The following KMT2C variants were observed in gnomAD, a reference collection of about 807,000 sequenced individuals.
The protein encoded by KMT2C is lysine methyltransferase 2C.
A neutral mutation model predicts 507.9 loss-of-function variants in KMT2C; 88 were observed. The observed-to-expected ratio is 0.17, with a 90% CI of 0.15 to 0.21. The LOEUF (loss-of-function observed/expected upper bound fraction) is 0.21. Among genes scored for constraint, KMT2C ranks in the 10% least tolerant of loss-of-function variants. The pLI is 1.00. For synonymous variants in KMT2C, 2,049 were observed against 2,080.8 expected (o/e 0.98, Z 0.42); for missense variants, 4,954 against 5,957.8 (o/e 0.83, Z 5.55).
chr7:152,181,248 A>G lies in KMT2C; in HGVS notation c.6612T>C (p.Ala2204=), dbSNP rs972853066. ...VTNQRHSDPY[A]HPPGTPRPGI... ...CAGGTCTTGGTGTTCCAGGAGGATG[A>G]GCATATGGATCAGAATGCCTCTGAT... The change falls in exon 36 of 59, where the codon GCT becomes GCC. Residue 2204 remains alanine (A), a synonymous_variant. Transcript: ENST00000262189. The G allele has an allele frequency of 1.2e-6, 2 of 1,614,064 alleles. No homozygotes were observed. The highest frequency in any genetic ancestry group is 1.1e-5 in the South Asian group (1 of 91,066).
chr7:152,156,177 G>A (rs2092032959), intron 45 of KMT2C, 28 bp downstream of exon 45: 3 of 1,608,948 alleles, frequency 1.9e-6, no homozygotes, highest in East Asian at 2.2e-5. Context: ...TTTCTCCGAG[G>A]TGTGAAATTT....
intron 6 of KMT2C, among the ~76,000 whole-genome samples, chr7:152,283,687 A>ATT (rs1181400709): frequency 3.3e-5 from 5 of 152,142 alleles, no homozygotes; most frequent in African/African-American, 1.2e-4. Context: ...AATCCTTGAA[A>ATT]CATAACTTTG....
rs2129118078 is a variant in KMT2C at position 152,179,942 on chromosome 7, G to A, written c.7334C>T (p.Ser2445Phe). 6.2e-7 allele frequency: 1 copy of A among 1,614,146 alleles called. No individual in the cohort carries two copies. The highest frequency in any genetic ancestry group is 8.5e-7 in the Non-Finnish European group (1 of 1,179,998). ...PPPPYPGNIR[S>F]PVAPPLGPRY... The stretch of plus-strand genomic sequence containing the variant: ...AGGTCCTAAAGGAGGGGCAACAGGA[G>A]ACCTAATGTTCCCAGGATAGGGAGG... The change falls in exon 37 of 59, where the codon TCT becomes TTT. Residue 2445 changes from serine (S) to phenylalanine (F), a missense_variant. Around this residue, in one of 29 missense-constraint regions of KMT2C, gnomAD observed 1,689 missense variants for 1,654.3 expected, o/e 1.02. Coordinates refer to ENST00000262189, the MANE Select transcript of KMT2C (RefSeq NM_170606.3).
At chr7:152,150,079 G>A (rs1434531822) in intron 51 of KMT2C, among the ~76,000 whole-genome samples, 1 of 152,140 alleles carries the variant, frequency 6.6e-6, no homozygotes, top group Non-Finnish European at 1.5e-5. Context: ...GCAATAACCT[G>A]GATGGAGGAA....
chr7:152,157,888 C>A, intron 44 of KMT2C: 1 of 1,339,366 alleles, frequency 7.5e-7, no homozygotes, highest in Non-Finnish European at 9.9e-7. Context: ...AAAGTTCACT[C>A]CAATGATTGG....
At chr7:152,384,805 T>C (rs2097408613) in intron 1 of KMT2C, among the ~76,000 whole-genome samples, 1 of 152,274 alleles carries the variant, frequency 6.6e-6, no homozygotes, top group Non-Finnish European at 1.5e-5. Flanking sequence ...CAAGCAAACA[T>C]TTATTCTGCC....
In KMT2C at chr7:152,162,822, T is replaced by G; in HGVS notation, c.10755A>C (p.Ser3585=). ...AATACAACTGAATGAGCGATTGGGT[T>G]GATCCCGGATAACTGTGTCCATGGG... is the stretch of plus-strand genomic sequence containing the variant. ...TITHGHSYPG[S]TQSLIQLYSD... is the part of the protein sequence containing the mutation. Residue 3585 remains serine (S), a synonymous_variant, in exon 43 of 59, where the codon TCA becomes TCC. Coordinates refer to ENST00000262189, the MANE Select transcript of KMT2C (RefSeq NM_170606.3). 1 of 1,614,212 alleles carries G rather than the reference T, an allele frequency of 6.2e-7. No homozygotes were observed. Among genetic ancestry groups the G allele is most frequent in the South Asian group, 1.1e-5 (1 of 91,084 alleles).
intron 54 of KMT2C, 85 bp downstream of exon 54, chr7:152,145,068 G>GA: frequency 2.0e-6 from 3 of 1,516,694 alleles, no homozygotes; most frequent in Non-Finnish European, 2.7e-6. Context: ...AGCAGGGTTT[G>GA]TAAGCAGCAG....
rs575521037 is a variant in KMT2C, at chr7:152,312,880, A to AT, written c.591-935dup. Among the ~76,000 whole-genome samples, 31 of 152,320 alleles carry AT rather than the reference A, an allele frequency of 2.0e-4. No homozygotes were observed. The South Asian group carries it at 4.8e-3, about 23-fold the overall frequency. ...ATTAAATCACTATTGAATATAGATCATAACTCACTGCACTTCTGTATGCTG... is the reference window on the plus strand; with the variant it reads ...ATTAAATCACTATTGAATATAGATCATTAACTCACTGCACTTCTGTATGCTG... On this transcript the variant is annotated intron_variant, in intron 4 of 58. Coordinates refer to ENST00000262189, the MANE Select transcript of KMT2C (RefSeq NM_170606.3).
At chr7:152,399,997 T>A (rs912724108) in intron 1 of KMT2C, among the ~76,000 whole-genome samples, 1 of 151,646 alleles carries the variant, frequency 6.6e-6, no homozygotes, top group Non-Finnish European at 1.5e-5. Context: ...TAAAAGCAGC[T>A]ATAGAGAAAA....
intron 1 of KMT2C, among the ~76,000 whole-genome samples, chr7:152,388,103 A>T (rs941874775): frequency 1.3e-4 from 19 of 147,818 alleles, no homozygotes; most frequent in African/African-American, 3.7e-4. Flanking sequence ...CTTCAAAAAA[A>T]AAAAATAAAT....
Position 152,163,356 on chromosome 7 carries a change from C to A in KMT2C, c.10221G>T (p.Gln3407His). Residue 3407 changes from glutamine to histidine, a missense_variant, in exon 43 of 59, where the codon CAG becomes CAT. Coordinates refer to ENST00000262189, the MANE Select transcript of KMT2C (RefSeq NM_170606.3). ...ERERKERLRE[Q>H]QERQRIQLMQ... ...TGAGTTGGATCCGTTGTCTCTCTTG[C>A]TGTTCTCGTAAACGTTCCTTACGTT... The A allele has an allele frequency of 6.2e-7, 1 of 1,614,220 alleles. No individual in the cohort carries two copies. Among genetic ancestry groups the A allele is most frequent in the African/African-American group, 1.3e-5 (1 of 75,058 alleles).
intron 1 of KMT2C, among the ~76,000 whole-genome samples, chr7:152,380,010 A>T (rs1671657907): frequency 6.6e-6 from 1 of 152,400 alleles, no homozygotes; most frequent in African/African-American, 2.4e-5. Context: ...AGGCAGGCGG[A>T]TTGCCTGAGC....
chr7:152,416,328 GA>G (rs1282515844), intron 1 of KMT2C, among the ~76,000 whole-genome samples: 1 of 150,836 alleles, frequency 6.6e-6, no homozygotes, highest in East Asian at 2.0e-4. Context: ...GGCAGATCAC[GA>G]GGTTAGGAGA....
intron 2 of KMT2C, among the ~76,000 whole-genome samples, chr7:152,347,812 T>A (rs903559642): frequency 6.6e-5 from 10 of 152,208 alleles, no homozygotes; most frequent in Non-Finnish European, 2.9e-5. Flanking sequence ...CTTAATTTTT[T>A]AAATATTTCT....
intron 23 of KMT2C, among the ~76,000 whole-genome samples, chr7:152,208,727 T>C (rs1242433295): frequency 6.6e-6 from 1 of 152,236 alleles, no homozygotes; most frequent in Non-Finnish European, 1.5e-5. Context: ...ACTCCTTCAA[T>C]ATTCTCAGTA....
Position 152,224,627 on chromosome 7 carries a change from A to C in KMT2C, c.2977-11T>G. The C allele has an allele frequency of 2.2e-6, 3 of 1,363,120 alleles. No individual in the cohort carries two copies. The South Asian group carries it at 3.5e-5, about 16-fold the overall frequency. The allele number at this position is 1,363,120 out of a possible 1,614,324, so 84.4% of individuals were successfully genotyped here. A position where few individuals can be genotyped will look rare whatever the true frequency, so the allele number is the denominator to read the frequency against. The stretch of plus-strand genomic sequence containing the variant: ...AACCACTTTAGTGATCTGTAAAAGA[A>C]ACAACCAATCCATGTGATTTATGCA... On this transcript the variant is annotated splice_polypyrimidine_tract_variant and intron_variant, in intron 18 of 58. Coordinates refer to ENST00000262189, the MANE Select transcript of KMT2C (RefSeq NM_170606.3).
rs2093459128 is a variant in KMT2C at position 152,182,277 on chromosome 7, C to A, written c.5583G>T (p.Arg1861=). Residue 1861 remains arginine (R), a synonymous_variant, in exon 36 of 59, where the codon CGG becomes CGT. Transcript: ENST00000262189. ...GAGAAAGACTATCCTGGATGGGAAT[C>A]CGGGATGGGGCTGGAGGAGGAGGTG... ...QAPPPPPAPS[R]IPIQDSLSQA... 1 of 1,613,880 alleles carries A rather than the reference C, an allele frequency of 6.2e-7. No individual in the cohort carries two copies. The highest frequency in any genetic ancestry group is 8.5e-7 in the Non-Finnish European group (1 of 1,179,994).
At chr7:152,228,813 ACT>A (rs1438768638) in intron 18 of KMT2C, among the ~76,000 whole-genome samples, 3 of 152,028 alleles carry the variant, frequency 2.0e-5, no homozygotes, top group African/African-American at 2.4e-5. Context: ...TGCATATATA[ACT>A]CTATTTTTTA....
Sources: gnomAD v4.1 joint callset for allele counts (sites outside exome capture counted in the v4.1 genomes callset) on GRCh38, gnomAD v4.1.1 for gene constraint, gnomAD v4.1.1 regional missense constraint, MANE v1.5 for transcripts, NCBI Gene and HGNC (gene_info 2026-07-23, HGNC 2026-07-21) for gene names.